Variants in TMEM131L observed in about 807,000 individuals in gnomAD.
TMEM131L encodes the protein transmembrane 131 like, also known as transmembrane protein 131-like.
A neutral mutation model predicts 192.2 loss-of-function variants in TMEM131L; 54 were observed. The ratio of observed to expected loss-of-function variants is 0.28; its 90% CI spans 0.23 to 0.35. The LOEUF (loss-of-function observed/expected upper bound fraction) is 0.35. Among genes scored for constraint, TMEM131L ranks in the 10% least tolerant of loss-of-function variants. TMEM131L has a pLI of 1.00. For missense variants in TMEM131L, 1,888 were observed against 1,972.9 expected, an observed-to-expected ratio of 0.96 and a Z score of 0.82; for synonymous variants, 701 against 704.9, an observed-to-expected ratio of 0.99 and a Z score of 0.09.
At chr4:153,520,870 T>C (rs1168920297) in intron 3 of TMEM131L, among the ~76,000 whole-genome samples, 1 of 152,234 alleles carries the variant, frequency 6.6e-6, no homozygotes, top group Non-Finnish European at 1.5e-5. Context: ...CTGGGGACCC[T>C]TTCCCAGGGG....
chr4:153,556,933 T>C (rs1207972829), intron 5 of TMEM131L, 33 bp from the exon 6 acceptor site: 1 of 1,031,422 alleles, frequency 9.7e-7, no homozygotes, highest in Admixed American at 2.0e-5. Flanking sequence ...AAGGAGGCCA[T>C]TCCAAGTGGC....
chr4:153,536,684 T>C (rs564176590), intron 3 of TMEM131L, among the ~76,000 whole-genome samples: 1 of 152,254 alleles, frequency 6.6e-6, no homozygotes, highest in African/African-American at 2.4e-5. Context: ...TCGATCTATC[T>C]AGCTATCTGT....
intron 21 of TMEM131L, among the ~76,000 whole-genome samples, chr4:153,601,350 A>G (rs575280091): frequency 1.3e-5 from 2 of 152,144 alleles, no homozygotes; most frequent in East Asian, 1.9e-4. Context: ...TGGGCAACAT[A>G]GTGAGCCCCA....
chr4:153,483,314 A>G (rs1025496683), intron 3 of TMEM131L, among the ~76,000 whole-genome samples: 3 of 152,334 alleles, frequency 2.0e-5, no homozygotes, highest in East Asian at 3.9e-4. Flanking sequence ...TTATTGCTAC[A>G]TGTCATAATA....
At chr4:153,478,473 A>AC (rs1285682706) in intron 3 of TMEM131L, among the ~76,000 whole-genome samples, 1 of 152,122 alleles carries the variant, frequency 6.6e-6, no homozygotes, top group Non-Finnish European at 1.5e-5. Flanking sequence ...TATACCCCTC[A>AC]CCCAGTGAAC....
intron 4 of TMEM131L, among the ~76,000 whole-genome samples, chr4:153,553,352 A>G (rs1737775071): frequency 6.6e-6 from 1 of 152,146 alleles, no homozygotes; most frequent in Admixed American, 6.6e-5. Flanking sequence ...ATTTCACTAC[A>G]AGTGGTAGAA....
intron 3 of TMEM131L, among the ~76,000 whole-genome samples, chr4:153,519,964 C>T (rs914891525): frequency 1.3e-5 from 2 of 152,166 alleles, no homozygotes; most frequent in African/African-American, 4.8e-5. Flanking sequence ...TCCTAAATGC[C>T]AAGTGAATGA....
chr4:153,501,937 C>T (rs946692718), intron 3 of TMEM131L, among the ~76,000 whole-genome samples: 8 of 145,874 alleles, frequency 5.5e-5, no homozygotes, highest in African/African-American at 2.1e-4. Context: ...AAGTATCCCC[C>T]AAAGGGTTTT....
chr4:153,613,219 A>G (rs532482779), intron 26 of TMEM131L, among the ~76,000 whole-genome samples: 1 of 152,344 alleles, frequency 6.6e-6, no homozygotes, highest in Non-Finnish European at 1.5e-5. Flanking sequence ...GTTCAAATAA[A>G]CACGCAGATG....
chr4:153,564,676 A>G (rs1013109672), intron 7 of TMEM131L, among the ~76,000 whole-genome samples: 1 of 151,896 alleles, frequency 6.6e-6, no homozygotes, highest in Non-Finnish European at 1.5e-5. Flanking sequence ...CTTTTGTTGC[A>G]TTCTTCTTGT....
intron 3 of TMEM131L, among the ~76,000 whole-genome samples, chr4:153,530,361 A>G (rs17030078): frequency 0.019 from 2,958 of 152,292 alleles, 70 homozygotes; most frequent in African/African-American, 0.06. Context: ...ATTATGAGCT[A>G]AATCAAAGAA....
intron 28 of TMEM131L, 130 bp from the exon 29 acceptor site, chr4:153,622,768 C>T: frequency 1.2e-6 from 1 of 839,480 alleles, no homozygotes; most frequent in Non-Finnish European, 2.0e-6. Flanking sequence ...CTCCTCCTTT[C>T]TTGCTAGATG....
intron 21 of TMEM131L, among the ~76,000 whole-genome samples, chr4:153,600,360 C>T (rs963786392): frequency 5.8e-5 from 8 of 139,088 alleles, no homozygotes; most frequent in South Asian, 4.6e-4. Flanking sequence ...GAGTGAGACC[C>T]TGTCTCAGAA....
In TMEM131L at chr4:153,611,754, C is replaced by T. The variant is rs545689578; in HGVS notation, c.3419-498C>T. On this transcript the variant is annotated intron_variant, in intron 25 of 34. Transcript: ENST00000409959. ...TTGTCCTTTCATATCTGGCTAAGTT[C>T]ACTTAGCATGATGTCTTCAAGGTTC... Among the ~76,000 whole-genome samples the T allele has an allele frequency of 5.9e-5, 9 of 152,312 alleles. No homozygotes were observed. In the South Asian group the frequency reaches 1.9e-3, roughly 32 times the overall value.
intron 3 of TMEM131L, among the ~76,000 whole-genome samples, chr4:153,528,820 C>T (rs1054164560): frequency 2.6e-5 from 4 of 152,090 alleles, no homozygotes; most frequent in Non-Finnish European, 5.9e-5. Flanking sequence ...AGAGTGTGGG[C>T]CACAGATAGG....
At chr4:153,472,038 T>C (rs1448884339) in intron 2 of TMEM131L, among the ~76,000 whole-genome samples, 6 of 152,142 alleles carry the variant, frequency 3.9e-5, no homozygotes, top group Non-Finnish European at 8.8e-5. Flanking sequence ...CTTTTTGTCA[T>C]AGAGATTTAT....
At chr4:153,493,601 A>G (rs1016720147) in intron 3 of TMEM131L, among the ~76,000 whole-genome samples, 1 of 152,090 alleles carries the variant, frequency 6.6e-6, no homozygotes, top group African/African-American at 2.4e-5. Context: ...TGGAGGTTGC[A>G]GTGAGCCGAG....
At chr4:153,537,611 AGAGGTC>A (rs1736433338) in intron 3 of TMEM131L, among the ~76,000 whole-genome samples, 1 of 152,172 alleles carries the variant, frequency 6.6e-6, no homozygotes, top group South Asian at 2.1e-4. Flanking sequence ...GAGGACAACC[AGAGGTC>A]GCTCTTGTGG....
In TMEM131L at chr4:153,597,273, A is replaced by AT. The variant is rs11308275; in HGVS notation, c.2123+899dup. On this transcript the variant is annotated intron_variant, in intron 20 of 34. Coordinates refer to ENST00000409959, the MANE Select transcript of TMEM131L (RefSeq NM_001131007.2). Reference sequence around the variant, plus strand: ...ATTAATTTTTTTCTTTTTTTAATTAATTTTTTTTTTTGATTTAGTGTTTCA... The same window carrying AT: ...ATTAATTTTTTTCTTTTTTTAATTAATTTTTTTTTTTTGATTTAGTGTTTCA... 6.9e-4 allele frequency among the ~76,000 whole-genome samples: 103 copies of AT among 148,234 alleles called. 2 individuals are homozygous for AT. The highest frequency in any genetic ancestry group is 6.9e-3 in the Middle Eastern group (2 of 290).
Sources: allele counts gnomAD v4.1 joint callset (sites outside exome capture counted in the v4.1 genomes callset), GRCh38; gene constraint gnomAD v4.1.1; transcripts MANE v1.5; gene names NCBI Gene and HGNC (gene_info 2026-07-23, HGNC 2026-07-21).